Variants in ADAMTSL1 observed in about 807,000 individuals in gnomAD.
The protein encoded by ADAMTSL1 is ADAMTS-like protein 1.
In ADAMTSL1, 126 loss-of-function variants were observed where a neutral mutation model predicts 201.8. The observed-to-expected ratio is 0.62, with a 90% CI of 0.54 to 0.72. The LOEUF is 0.72. Ranked by LOEUF, ADAMTSL1 falls within the 30% of genes least tolerant of loss-of-function variation. ADAMTSL1 has a pLI of 0.00. For missense variants in ADAMTSL1, 2,679 were observed against 2,277.8 expected, an observed-to-expected ratio of 1.18 and a Z score of -3.59; for synonymous variants, 1,121 against 903.4, an observed-to-expected ratio of 1.24 and a Z score of -4.32.
rs1821063367 is a variant in ADAMTSL1 at position 18,777,027 on chromosome 9, A to G, written c.2798A>G (p.Lys933Arg). 1.2e-6 allele frequency: 2 copies of G among 1,608,914 alleles called. No individual in the cohort carries two copies. The highest frequency in any genetic ancestry group is 1.7e-6 in the Non-Finnish European group (2 of 1,176,644). Reference protein sequence around the residue: ...HVTVAPFGYLKIHRLKPSDAG... With the variant: ...HVTVAPFGYLRIHRLKPSDAG... ...ACGGTGGCCCCCTTCGGCTATCTCA[A>G]GATCCACCGCCTCAAGCCCTCGGAT... The change falls in exon 19 of 29, where the codon AAG (lysine) becomes AGG (arginine). Residue 933 changes from lysine to arginine, a missense_variant. Physicochemically the swap from Lys to Arg is conservative, Grantham distance 26. Coordinates refer to ENST00000380548, the MANE Select transcript of ADAMTSL1 (RefSeq NM_001040272.6).
At chr9:18,524,392 A>G (rs1663964872) in intron 2 of ADAMTSL1, among the ~76,000 whole-genome samples, 2 of 152,158 alleles carry the variant, frequency 1.3e-5, no homozygotes, top group Admixed American at 6.6e-5. Flanking sequence ...GCAAACAGGG[A>G]CAATTTGACT....
At chr9:18,849,358 C>T (rs1490964867) in intron 23 of ADAMTSL1, among the ~76,000 whole-genome samples, 4 of 152,148 alleles carry the variant, frequency 2.6e-5, no homozygotes, top group Non-Finnish European at 5.9e-5. Flanking sequence ...CAGCCTGGAT[C>T]GGGCACTTCC....
At chr9:18,884,729 G>C (rs1486507291) in intron 23 of ADAMTSL1, among the ~76,000 whole-genome samples, 5 of 151,984 alleles carry the variant, frequency 3.3e-5, no homozygotes, top group Non-Finnish European at 7.4e-5. Context: ...TCTGTTTCCG[G>C]TCTCTATTCT....
At chr9:18,291,657 C>A (rs566473257) in intron 2 of ADAMTSL1, among the ~76,000 whole-genome samples, 25 of 151,528 alleles carry the variant, frequency 1.6e-4, no homozygotes, top group Admixed American at 2.6e-4. Context: ...AAAAGACAAT[C>A]TCTCCCCATC....
intron 9 of ADAMTSL1, among the ~76,000 whole-genome samples, chr9:18,667,862 T>C (rs1042251182): frequency 1.3e-5 from 2 of 152,208 alleles, no homozygotes; most frequent in East Asian, 1.9e-4. Context: ...TAGGAAAATA[T>C]GATCTTGAGA....
At chr9:18,174,403 A>G (rs184994549) in intron 2 of ADAMTSL1, among the ~76,000 whole-genome samples, 3 of 152,200 alleles carry the variant, frequency 2.0e-5, no homozygotes, top group Non-Finnish European at 4.4e-5. Flanking sequence ...GTCATTTGGC[A>G]TCAGAGGTCT....
intron 2 of ADAMTSL1, among the ~76,000 whole-genome samples, chr9:18,176,090 A>G (rs1475249044): frequency 6.6e-6 from 1 of 151,748 alleles, no homozygotes; most frequent in Non-Finnish European, 1.5e-5. Context: ...TAATTAAAAA[A>G]TTCAGACTAG....
At chr9:18,673,909 C>T (rs1025042765) in intron 9 of ADAMTSL1, among the ~76,000 whole-genome samples, 1 of 151,886 alleles carries the variant, frequency 6.6e-6, no homozygotes, top group African/African-American at 2.4e-5. Context: ...GATTGGCATT[C>T]TTTAAAATAT....
intron 2 of ADAMTSL1, among the ~76,000 whole-genome samples, chr9:18,329,852 C>A (rs143422543): frequency 6.6e-6 from 1 of 152,190 alleles, no homozygotes; most frequent in Non-Finnish European, 1.5e-5. Flanking sequence ...ACGGCTGGCA[C>A]CAGGCAGTGC....
chr9:18,082,452 C>T (rs1045079925), intron 1 of ADAMTSL1, among the ~76,000 whole-genome samples: 1 of 152,154 alleles, frequency 6.6e-6, no homozygotes, highest in African/African-American at 2.4e-5. Context: ...GCTGGGATTA[C>T]AGGTGCCAAC....
chr9:18,421,895 T>A (rs1404664742), intron 2 of ADAMTSL1, among the ~76,000 whole-genome samples: 1 of 152,206 alleles, frequency 6.6e-6, no homozygotes, highest in Non-Finnish European at 1.5e-5. Context: ...TTACAAATAG[T>A]CAAGGATTTA....
At chr9:18,095,262 C>T (rs887810458) in intron 1 of ADAMTSL1, among the ~76,000 whole-genome samples, 1 of 152,122 alleles carries the variant, frequency 6.6e-6, no homozygotes, top group African/African-American at 2.4e-5. Context: ...ACACAAGTAC[C>T]TACGTGCAGA....
intron 2 of ADAMTSL1, among the ~76,000 whole-genome samples, chr9:18,347,863 G>A (rs915372551): frequency 6.6e-6 from 1 of 152,110 alleles, no homozygotes; most frequent in African/African-American, 2.4e-5. Context: ...CAGACATTCA[G>A]AGGCAGATGT....
chr9:18,466,801 C>A (rs962668527), intron 2 of ADAMTSL1, among the ~76,000 whole-genome samples: 4 of 151,906 alleles, frequency 2.6e-5, no homozygotes, highest in African/African-American at 9.7e-5. Flanking sequence ...TTCATGTTAG[C>A]AAATATAACC....
chr9:18,043,567 A>G (rs1821522895), intron 1 of ADAMTSL1, among the ~76,000 whole-genome samples: 1 of 152,078 alleles, frequency 6.6e-6, no homozygotes, highest in Non-Finnish European at 1.5e-5. Flanking sequence ...GCCTAGGCCT[A>G]ACCCCTACCC....
intron 1 of ADAMTSL1, among the ~76,000 whole-genome samples, chr9:17,976,516 AT>A (rs202243100): frequency 1.3e-5 from 2 of 151,270 alleles, no homozygotes; most frequent in Middle Eastern, 3.4e-3. Flanking sequence ...TCTCAAAACA[AT>A]TTTTTTTTAT....
chr9:18,575,138 G>T (rs909431006), intron 4 of ADAMTSL1, among the ~76,000 whole-genome samples: 5 of 152,140 alleles, frequency 3.3e-5, no homozygotes, highest in African/African-American at 1.2e-4. Context: ...GAATGTAAGA[G>T]AAATATATGT....
intron 1 of ADAMTSL1, among the ~76,000 whole-genome samples, chr9:18,094,201 C>G (rs756442581): frequency 6.6e-6 from 1 of 152,156 alleles, no homozygotes; most frequent in Non-Finnish European, 1.5e-5. Flanking sequence ...TTCTTTCAAA[C>G]CGTTTCAAGA....
At chr9:18,871,453 C>T (rs562528826) in intron 23 of ADAMTSL1, among the ~76,000 whole-genome samples, 1 of 152,210 alleles carries the variant, frequency 6.6e-6, no homozygotes. Context: ...TCCAGTGTTT[C>T]GTCCTGAGGA....
Sources: gnomAD v4.1 joint callset for allele counts (sites outside exome capture counted in the v4.1 genomes callset) on GRCh38, gnomAD v4.1.1 for gene constraint, MANE v1.5 for transcripts, NCBI Gene and HGNC (gene_info 2026-07-23, HGNC 2026-07-21) for gene names.